SVIL: variants seen among roughly 807,000 people sequenced by gnomAD.
The protein encoded by SVIL is archvillin.
SVIL carries 101 observed loss-of-function variants against 240.4 expected under a neutral mutation model. That is an observed-to-expected ratio of 0.42 (90% CI 0.36 to 0.50). The LOEUF is 0.50. SVIL is among the 20% of genes least tolerant of loss of function. The pLI is 0.01. For missense variants in SVIL, 2,512 were observed against 2,818.7 expected (o/e 0.89, Z 2.46); for synonymous variants, 999 against 1,100.0 (o/e 0.91, Z 1.82).
intron 18 of SVIL, among the ~76,000 whole-genome samples, chr10:29,496,190 A>C (rs1215509736): frequency 6.6e-6 from 1 of 152,218 alleles, no homozygotes; most frequent in East Asian, 1.9e-4. Flanking sequence ...AAAAACCATT[A>C]AATGGTTTAA....
intron 1 of SVIL, among the ~76,000 whole-genome samples, chr10:29,732,096 T>A (rs1400794825): frequency 2.0e-5 from 3 of 152,196 alleles, no homozygotes; most frequent in Non-Finnish European, 4.4e-5. Context: ...TGCTCCTAAC[T>A]CTTTACACGC....
chr10:29,705,216 A>G (rs368555211), intron 1 of SVIL, among the ~76,000 whole-genome samples: 11 of 152,312 alleles, frequency 7.2e-5, no homozygotes, highest in African/African-American at 2.6e-4. Flanking sequence ...GCCAAAGTTA[A>G]TGTAAATATT....
chr10:29,590,694 G>C (rs1366463922), intron 1 of SVIL, among the ~76,000 whole-genome samples: 2 of 152,104 alleles, frequency 1.3e-5, no homozygotes, highest in African/African-American at 4.8e-5. Context: ...TTTTAACCCG[G>C]ACACATGCTT....
intron 17 of SVIL, among the ~76,000 whole-genome samples, chr10:29,509,737 C>T (rs1204621215): frequency 6.6e-6 from 1 of 152,094 alleles, no homozygotes; most frequent in Non-Finnish European, 1.5e-5. Context: ...GTAATCGCAG[C>T]TACTCGGGAG....
At chr10:29,471,479 T>G (rs1374713854) in intron 30 of SVIL, among the ~76,000 whole-genome samples, 1 of 152,218 alleles carries the variant, frequency 6.6e-6, no homozygotes, top group African/African-American at 2.4e-5. Context: ...TGCTTTATAT[T>G]GATGTACAGC....
intron 1 of SVIL, among the ~76,000 whole-genome samples, chr10:29,696,608 C>G (rs998536617): frequency 1.3e-5 from 2 of 151,482 alleles, no homozygotes; most frequent in African/African-American, 2.4e-5. Flanking sequence ...CCCGCCGCCC[C>G]GTCTGGGATG....
intron 35 of SVIL, among the ~76,000 whole-genome samples, chr10:29,462,967 G>A (rs1288944237): frequency 6.6e-6 from 1 of 152,130 alleles, no homozygotes; most frequent in Non-Finnish European, 1.5e-5. Context: ...TTATATAAAA[G>A]ACTAGAAATT....
chr10:29,653,322 C>G (rs1019242522), intron 3 of SVIL, among the ~76,000 whole-genome samples: 2 of 152,160 alleles, frequency 1.3e-5, no homozygotes, highest in African/African-American at 4.8e-5. Flanking sequence ...CTCTCTTCCT[C>G]CTGCTTCAGC....
intron 17 of SVIL, among the ~76,000 whole-genome samples, chr10:29,509,856 A>T (rs11817300): frequency 0.32 from 49,094 of 152,116 alleles, 8,091 homozygotes; most frequent in African/African-American, 0.35. Context: ...GTCTCAAAAA[A>T]AAAAGGAATG....
chr10:29,531,303 A>C lies in SVIL; in HGVS notation c.2010-15T>G. 4 of 1,612,658 alleles carry C rather than the reference A, an allele frequency of 2.5e-6. No individual in the cohort carries two copies. The highest frequency in any genetic ancestry group is 3.4e-6 in the Non-Finnish European group (4 of 1,178,992). ...GTGAAGTGCACCTAGGAAAGACATT[A>C]GCAAATAACAATAATACATTAGCAG... On this transcript the variant is annotated splice_polypyrimidine_tract_variant and intron_variant, in intron 9 of 37. Coordinates refer to ENST00000355867, the MANE Select transcript of SVIL (RefSeq NM_021738.3).
Position 29,457,999 on chromosome 10 carries a change from C to A in SVIL, c.*248G>T. The A allele has an allele frequency of 2.5e-6, 1 of 402,070 alleles. No homozygotes were observed. The highest frequency in any genetic ancestry group is 4.4e-6 in the Non-Finnish European group (1 of 225,698). 24.9% of individuals were successfully genotyped at this position (402,070 alleles called of 1,614,324 possible). ...ATCTATAGCAGCTGCGGCTTAAGTG[C>A]ACATAACAGATACTTTTATTAATTC... is the stretch of plus-strand genomic sequence containing the variant. On this transcript the variant is annotated 3_prime_UTR_variant, in exon 38 of 38. Transcript: ENST00000355867.
chr10:29,678,568 G>A (rs1283068349), intron 2 of SVIL, among the ~76,000 whole-genome samples: 2 of 152,200 alleles, frequency 1.3e-5, no homozygotes, highest in Non-Finnish European at 2.9e-5. Flanking sequence ...TGGCCCAGGG[G>A]TTGGGGACCC....
Position 29,499,117 on chromosome 10 carries a change from T to C in SVIL, c.3663A>G (p.Lys1221=). 3.8e-6 allele frequency: 6 copies of C among 1,585,758 alleles called. No individual in the cohort carries two copies. The East Asian group carries it at 1.3e-4, about 35-fold the overall frequency. Residue 1221 remains lysine, a splice_region_variant and synonymous_variant, in exon 18 of 38, where the codon AAA becomes AAG. Coordinates refer to ENST00000355867, the MANE Select transcript of SVIL (RefSeq NM_021738.3). ...QFTVAGRMVK[K]GLASPTAITP... is the part of the protein sequence containing the mutation. ...ACACATGGACACACACACACTGACC[T>C]TTCTTCACCATCCTGCCAGCCACAG...
intron 1 of SVIL, among the ~76,000 whole-genome samples, chr10:29,717,005 T>C (rs7089549): frequency 0.2 from 29,778 of 151,908 alleles, 3,638 homozygotes; most frequent in African/African-American, 0.35. Flanking sequence ...CCAAGGCGGG[T>C]GGATCACAAG....
At chr10:29,488,787 A>T in intron 22 of SVIL, 31 bp from the exon 23 acceptor site, 1 of 1,596,816 alleles carries the variant, frequency 6.3e-7, no homozygotes, top group East Asian at 2.3e-5. Flanking sequence ...AACACAACGC[A>T]GGAGGTTCAG....
chr10:29,488,981 C>T (rs961509659), intron 22 of SVIL, among the ~76,000 whole-genome samples: 2 of 152,240 alleles, frequency 1.3e-5, no homozygotes, highest in Non-Finnish European at 2.9e-5. Flanking sequence ...ACAAGTGTCA[C>T]TCCATGCTGT....
chr10:29,601,939 GCTGAGTC>G (rs1956826888), intron 1 of SVIL, among the ~76,000 whole-genome samples: 1 of 151,952 alleles, frequency 6.6e-6, no homozygotes. Context: ...TTTGTTGATG[GCTGAGTC>G]CTTTATTCTC....
Position 29,532,790 on chromosome 10 carries a change from T to G in SVIL, c.1577A>C (p.Gln526Pro). ...VLYIQSEPVS[Q>P]DAKPTGHNRE... Reference sequence around the variant, plus strand: ...GTTGTGACCAGTTGGTTTGGCGTCTTGGGACACAGGCTCACTTTGAATGTA... The same window carrying G: ...GTTGTGACCAGTTGGTTTGGCGTCTGGGGACACAGGCTCACTTTGAATGTA... The change falls in exon 8 of 38, where the codon CAA becomes CCA. Residue 526 changes from glutamine (Q) to proline (P), a missense_variant. Physicochemically the swap from Gln to Pro is moderately conservative, Grantham distance 76. Coordinates refer to ENST00000355867, the MANE Select transcript of SVIL (RefSeq NM_021738.3). 6.2e-7 allele frequency: 1 copy of G among 1,614,150 alleles called. No homozygotes were observed.
chr10:29,699,212 T>C (rs1962317239), intron 1 of SVIL, among the ~76,000 whole-genome samples: 1 of 152,208 alleles, frequency 6.6e-6, no homozygotes, highest in Non-Finnish European at 1.5e-5. Flanking sequence ...CACTGAAGCC[T>C]CCAACTCCTG....
Sources: allele counts gnomAD v4.1 joint callset (sites outside exome capture counted in the v4.1 genomes callset), GRCh38; gene constraint gnomAD v4.1.1; transcripts MANE v1.5; gene names NCBI Gene and HGNC (gene_info 2026-07-23, HGNC 2026-07-21).